The following KIDINS220 variants were observed in gnomAD, a reference collection of about 807,000 sequenced individuals.
KIDINS220 encodes kinase D interacting substrate 220.
A neutral mutation model predicts 157.6 loss-of-function variants in KIDINS220; 63 were observed. The ratio of observed to expected loss-of-function variants is 0.40; its 90% CI spans 0.33 to 0.49. The LOEUF is 0.49. Among genes scored for constraint, KIDINS220 ranks in the 20% least tolerant of loss-of-function variants. KIDINS220 has a pLI of 0.66. For synonymous variants in KIDINS220, 732 were observed against 783.6 expected (o/e 0.93, Z 1.10); for missense variants, 1,772 against 2,171.2 (o/e 0.82, Z 3.65).
intron 18 of KIDINS220, among the ~76,000 whole-genome samples, chr2:8,779,470 T>G (rs1234926954): frequency 6.6e-6 from 1 of 152,212 alleles, no homozygotes; most frequent in East Asian, 1.9e-4. Flanking sequence ...TAAGCTAAAA[T>G]TATTTAAATA....
intron 4 of KIDINS220, among the ~76,000 whole-genome samples, chr2:8,815,902 C>T (rs1016329635): frequency 6.6e-6 from 1 of 152,046 alleles, no homozygotes; most frequent in Non-Finnish European, 1.5e-5. Flanking sequence ...CTTCCTGAGC[C>T]CCACAGGATC....
At chr2:8,818,599 A>G in intron 3 of KIDINS220, 96 bp downstream of exon 3, 1 of 686,230 alleles carries the variant, frequency 1.5e-6, no homozygotes, top group East Asian at 2.8e-5. Context: ...AATATATGTA[A>G]AAGTTTTAAT....
At chr2:8,751,739 C>T in intron 22 of KIDINS220, 95 bp from the exon 23 acceptor site, 1 of 828,614 alleles carries the variant, frequency 1.2e-6, no homozygotes, top group Non-Finnish European at 1.9e-6. Context: ...AACAATTACA[C>T]ATCTTGGTCT....
intron 9 of KIDINS220, 133 bp downstream of exon 9, chr2:8,800,265 TAA>T (rs1674508042): frequency 3.7e-6 from 2 of 535,128 alleles, no homozygotes; most frequent in South Asian, 7.3e-5. Context: ...AACTTAGTAA[TAA>T]TATACGTCTG....
At chr2:8,782,381 A>G (rs1671835503) in intron 17 of KIDINS220, among the ~76,000 whole-genome samples, 1 of 152,128 alleles carries the variant, frequency 6.6e-6, no homozygotes, top group Non-Finnish European at 1.5e-5. Context: ...GACCTACCTC[A>G]TGGACAAAAA....
chr2:8,789,005 A>G (rs1672811530), intron 14 of KIDINS220, among the ~76,000 whole-genome samples, 193 bp from the exon 15 acceptor site: 1 of 152,222 alleles, frequency 6.6e-6, no homozygotes, highest in Admixed American at 6.5e-5. Context: ...AATGAAAAGT[A>G]AACTGACTAA....
At position 8,729,395 on chromosome 2, in the gene KIDINS220, CCTAA is replaced by C. The variant is rs1224871297; in HGVS notation, c.*1321_*1324del. 5.1e-6 allele frequency: 5 copies of C among 985,330 alleles called. No individual in the cohort carries two copies. Among genetic ancestry groups the C allele is most frequent in the South Asian group, 4.7e-5 (1 of 21,288 alleles). 61.0% of individuals were successfully genotyped at this position (985,330 alleles called of 1,614,324 possible). Reference sequence around the variant, plus strand: ...CATCTGCGATCTCACCATCTACCGTCCTAACTGTGACTTGGGGTAAACCACCAGA... The same window carrying C: ...CATCTGCGATCTCACCATCTACCGTCCTGTGACTTGGGGTAAACCACCAGA... On this transcript the variant is annotated 3_prime_UTR_variant, in exon 30 of 30. Coordinates refer to ENST00000256707, the MANE Select transcript of KIDINS220 (RefSeq NM_020738.4).
intron 26 of KIDINS220, 121 bp from the exon 27 acceptor site, chr2:8,737,120 A>C: frequency 1.1e-6 from 1 of 929,244 alleles, no homozygotes; most frequent in Non-Finnish European, 1.6e-6. Context: ...AAAAACAAAT[A>C]TGTTTAGCAT....
intron 17 of KIDINS220, among the ~76,000 whole-genome samples, chr2:8,783,196 T>TGA (rs748691920): frequency 2.6e-5 from 1 of 38,518 alleles, no homozygotes; most frequent in Non-Finnish European, 8.4e-5. Flanking sequence ...AAACTCCGTC[T>TGA]CAAAAAAAAA....
chr2:8,777,680 G>A (rs1572614770), intron 20 of KIDINS220, among the ~76,000 whole-genome samples: 1 of 152,254 alleles, frequency 6.6e-6, no homozygotes, highest in East Asian at 1.9e-4. Context: ...ATGAACAAAA[G>A]GCACTCTTCA....
chr2:8,782,505 A>T (rs890009511), intron 17 of KIDINS220, among the ~76,000 whole-genome samples: 1 of 152,256 alleles, frequency 6.6e-6, no homozygotes, highest in Non-Finnish European at 1.5e-5. Flanking sequence ...GAACAGGCCT[A>T]TATCTATTGA....
intron 2 of KIDINS220, among the ~76,000 whole-genome samples, chr2:8,822,984 A>G (rs963304247): frequency 6.6e-6 from 1 of 152,160 alleles, no homozygotes; most frequent in African/African-American, 2.4e-5. Context: ...TGTTTATTTT[A>G]TATTTTTTAG....
At chr2:8,741,193 C>T (rs965544108) in intron 26 of KIDINS220, among the ~76,000 whole-genome samples, 1 of 152,202 alleles carries the variant, frequency 6.6e-6, no homozygotes, top group Non-Finnish European at 1.5e-5. Context: ...ATATAACTTA[C>T]TCTTCAAGCT....
At chr2:8,768,973 C>A (rs1669826856) in intron 22 of KIDINS220, among the ~76,000 whole-genome samples, 2 of 152,128 alleles carry the variant, frequency 1.3e-5, no homozygotes, top group Admixed American at 1.3e-4. Flanking sequence ...TAGTTGCAGG[C>A]ATTTAAGACT....
chr2:8,813,690 A>C (rs1389034804), intron 4 of KIDINS220, among the ~76,000 whole-genome samples: 1 of 152,198 alleles, frequency 6.6e-6, no homozygotes, highest in Non-Finnish European at 1.5e-5. Flanking sequence ...GTGGGAGGCC[A>C]AGGCAGGCAG....
intron 24 of KIDINS220, 29 bp from the exon 25 acceptor site, chr2:8,748,029 G>A: frequency 7.6e-7 from 1 of 1,309,304 alleles, no homozygotes; most frequent in African/African-American, 1.5e-5. Context: ...CAAAAAAGGG[G>A]TAAACAATTA....
chr2:8,793,446 T>C (rs1227696974), intron 12 of KIDINS220, among the ~76,000 whole-genome samples: 2 of 152,144 alleles, frequency 1.3e-5, no homozygotes, highest in African/African-American at 4.8e-5. Flanking sequence ...CAGTGAGCTA[T>C]GATTGCATCA....
chr2:8,829,869 G>C (rs1679355239), intron 1 of KIDINS220, among the ~76,000 whole-genome samples: 1 of 151,860 alleles, frequency 6.6e-6, no homozygotes, highest in South Asian at 2.1e-4. Flanking sequence ...ACTCCTTCTA[G>C]GATCAAGCCT....
chr2:8,753,295 G>A (rs1667599978), intron 22 of KIDINS220, among the ~76,000 whole-genome samples: 1 of 152,036 alleles, frequency 6.6e-6, no homozygotes, highest in East Asian at 1.9e-4. Context: ...AACCAATAAA[G>A]AGTGTATAGC....
Sources: allele counts gnomAD v4.1 joint callset (sites outside exome capture counted in the v4.1 genomes callset), GRCh38; gene constraint gnomAD v4.1.1; transcripts MANE v1.5; gene names NCBI Gene and HGNC (gene_info 2026-07-23, HGNC 2026-07-21).